The following FOXJ3 variants were observed in gnomAD, a reference collection of about 807,000 sequenced individuals.
The protein encoded by FOXJ3 is forkhead box protein J3.
In FOXJ3, 22 loss-of-function variants were observed where a neutral mutation model predicts 76.1. The observed-to-expected ratio is 0.29, with a 90% CI of 0.21 to 0.41. The LOEUF (loss-of-function observed/expected upper bound fraction) is 0.41. FOXJ3 is among the 10% of genes least tolerant of loss of function. The pLI, the probability that FOXJ3 is intolerant of heterozygous loss-of-function variation, is 1.00. For synonymous variants in FOXJ3, 269 were observed against 261.2 expected (o/e 1.03, Z -0.29); for missense variants, 613 against 762.1 (o/e 0.80, Z 2.30).
chr1:42,308,620 A>G (rs902259500), intron 2 of FOXJ3, among the ~76,000 whole-genome samples: 13 of 152,218 alleles, frequency 8.5e-5, no homozygotes, highest in African/African-American at 2.7e-4. Flanking sequence ...ATTAAATGCT[A>G]GATACCATGA....
chr1:42,231,697 C>G (rs1178490213), intron 4 of FOXJ3, among the ~76,000 whole-genome samples: 1 of 151,838 alleles, frequency 6.6e-6, no homozygotes, highest in Non-Finnish European at 1.5e-5. Context: ...TTTTTAAATA[C>G]AGTGGCACGA....
At position 42,278,585 on chromosome 1, in the gene FOXJ3, A is replaced by G. The variant is rs1652466691; in HGVS notation, c.132T>C (p.Ala44=). The change falls in exon 3 of 13, where the codon GCT becomes GCC. Residue 44 remains alanine, a synonymous_variant. Transcript: ENST00000361346. The part of the protein sequence containing the change: ...TMRAAIQKSD[A]TQNAHGTGIS... ...TTCCTGTTCCATGTGCATTTTGTGT[A>G]GCATCAGATTTTTGGATGGCTGCTC... 2 of 1,614,118 alleles carry G rather than the reference A, an allele frequency of 1.2e-6. No homozygotes were observed. The highest frequency in any genetic ancestry group is 1.1e-5 in the South Asian group (1 of 91,082).
intron 3 of FOXJ3, among the ~76,000 whole-genome samples, chr1:42,277,829 C>T (rs1000920634): frequency 7.6e-6 from 1 of 130,988 alleles, no homozygotes. Context: ...AAAAAAAAAT[C>T]TGCTGGGCAT....
intron 7 of FOXJ3, among the ~76,000 whole-genome samples, chr1:42,197,529 C>T (rs574892995): frequency 6.6e-6 from 1 of 152,064 alleles, no homozygotes; most frequent in Non-Finnish European, 1.5e-5. Context: ...CACTAGGACA[C>T]CAAAATCTGC....
At chr1:42,218,921 C>T (rs1647124845) in intron 5 of FOXJ3, among the ~76,000 whole-genome samples, 1 of 152,220 alleles carries the variant, frequency 6.6e-6, no homozygotes, top group Non-Finnish European at 1.5e-5. Flanking sequence ...AGCCCTTGCA[C>T]TTGCAGGACA....
At chr1:42,213,176 C>G (rs1408800283) in intron 5 of FOXJ3, among the ~76,000 whole-genome samples, 1 of 151,756 alleles carries the variant, frequency 6.6e-6, no homozygotes, top group African/African-American at 2.4e-5. Context: ...AGGAAGAAAA[C>G]AAAGTCACTA....
chr1:42,318,436 G>A (rs1655247522), intron 1 of FOXJ3, among the ~76,000 whole-genome samples: 1 of 152,178 alleles, frequency 6.6e-6, no homozygotes. Context: ...CCACCTCCCA[G>A]GTTCAAGCGA....
In FOXJ3 at chr1:42,194,942, G is replaced by C; in HGVS notation, c.882C>G (p.Ala294=). The C allele has an allele frequency of 1.2e-6, 2 of 1,612,352 alleles. No homozygotes were observed. The highest frequency in any genetic ancestry group is 1.7e-6 in the Non-Finnish European group (2 of 1,179,166). Reference sequence around the variant, plus strand: ...CTGACTTATAAAGGCTCCGAAATGAGGCACTAAGATCTTCAAAATTATATT... The same window carrying C: ...CTGACTTATAAAGGCTCCGAAATGACGCACTAAGATCTTCAAAATTATATT... ...FSEYNFEDLS[A]SFRSLYKSVF... Residue 294 remains alanine, a synonymous_variant, in exon 8 of 13, where the codon GCC becomes GCG. Coordinates refer to ENST00000361346, the MANE Select transcript of FOXJ3 (RefSeq NM_014947.5).
intron 1 of FOXJ3, among the ~76,000 whole-genome samples, chr1:42,333,114 T>C (rs1656258118): frequency 6.6e-6 from 1 of 152,048 alleles, no homozygotes; most frequent in Non-Finnish European, 1.5e-5. Context: ...TCAGTATGTA[T>C]CAGAACAACA....
At chr1:42,219,865 G>C (rs1647144941) in intron 5 of FOXJ3, among the ~76,000 whole-genome samples, 1 of 152,200 alleles carries the variant, frequency 6.6e-6, no homozygotes, top group Non-Finnish European at 1.5e-5. Flanking sequence ...ACTGCAGTGA[G>C]CCATGGTCAC....
At chr1:42,237,047 C>A (rs966710882) in intron 4 of FOXJ3, among the ~76,000 whole-genome samples, 3 of 151,900 alleles carry the variant, frequency 2.0e-5, no homozygotes. Flanking sequence ...TTCCAAATAT[C>A]TTTTGCCCAT....
chr1:42,273,263 A>T (rs1456362228), intron 3 of FOXJ3, among the ~76,000 whole-genome samples: 1 of 152,224 alleles, frequency 6.6e-6, no homozygotes, highest in Non-Finnish European at 1.5e-5. Context: ...TCATCTAATA[A>T]AGATTGTAGC....
At chr1:42,239,907 A>C (rs1265769982) in intron 4 of FOXJ3, among the ~76,000 whole-genome samples, 1 of 152,176 alleles carries the variant, frequency 6.6e-6, no homozygotes, top group Non-Finnish European at 1.5e-5. Context: ...TAGCCAAATT[A>C]CCTTTCCCAG....
chr1:42,320,092 T>C (rs1483338716), intron 1 of FOXJ3, among the ~76,000 whole-genome samples: 3 of 152,104 alleles, frequency 2.0e-5, no homozygotes, highest in South Asian at 4.1e-4. Context: ...AAGAGACTAA[T>C]AGAAGATGAA....
At position 42,310,895 on chromosome 1, in the gene FOXJ3, A is replaced by C. The variant is rs151074333; in HGVS notation, c.44+155T>G. ...ACCACGAAAATTTCAGTAAGCAGAAATATCATTCCATTCCGCCAAATTGCA... is the reference window on the plus strand; with the variant it reads ...ACCACGAAAATTTCAGTAAGCAGAACTATCATTCCATTCCGCCAAATTGCA... On this transcript the variant is annotated intron_variant, in intron 2 of 12. Coordinates refer to ENST00000361346, the MANE Select transcript of FOXJ3 (RefSeq NM_014947.5). Among the ~76,000 whole-genome samples the C allele has an allele frequency of 6.6e-5, 10 of 152,358 alleles. No individual in the cohort carries two copies. In the East Asian group the frequency reaches 1.7e-3, roughly 26 times the overall value.
At position 42,248,736 on chromosome 1, in the gene FOXJ3, T is replaced by C. The variant is rs1437835349; in HGVS notation, c.444+16379A>G. Among the ~76,000 whole-genome samples the C allele has an allele frequency of 5.0e-3, 730 of 145,142 alleles. 2 individuals are homozygous for C. Among genetic ancestry groups the C allele is most frequent in the Middle Eastern group, 0.01 (3 of 286 alleles). On this transcript the variant is annotated intron_variant, in intron 4 of 12. Coordinates refer to ENST00000361346, the MANE Select transcript of FOXJ3 (RefSeq NM_014947.5). ...CTCAAGTCTCCTGTTTTTTCTTTTT[T>C]TTTTTTTTTTTTTTTTTTTTAAGTT...
rs563929184 is a variant in FOXJ3 at position 42,195,177 on chromosome 1, C to T, written c.760-113G>A. On this transcript the variant is annotated intron_variant, in intron 7 of 12. Coordinates refer to ENST00000361346, the MANE Select transcript of FOXJ3 (RefSeq NM_014947.5). ...CAACATTGGAATTCAAAGAAAATAA[C>T]TCTTCTGTCTTAGGCTTTCCCATCC... 1.9e-4 allele frequency: 143 copies of T among 766,762 alleles called. 2 individuals carry two copies. In the South Asian group the frequency reaches 3.1e-3, roughly 17 times the overall value. 47.5% of individuals were successfully genotyped at this position (766,762 alleles called of 1,614,324 possible).
chr1:42,235,159 G>A (rs1336266935), intron 4 of FOXJ3, among the ~76,000 whole-genome samples: 2 of 152,176 alleles, frequency 1.3e-5, no homozygotes, highest in Non-Finnish European at 2.9e-5. Context: ...AGACTGCTGT[G>A]CTAGCAATGA....
intron 3 of FOXJ3, among the ~76,000 whole-genome samples, chr1:42,273,747 C>G (rs1285610907): frequency 1.3e-5 from 2 of 151,472 alleles, no homozygotes; most frequent in African/African-American, 4.9e-5. Context: ...AATTAGTACT[C>G]CCTAGGCTGA....
Sources: gnomAD v4.1 joint callset for allele counts (sites outside exome capture counted in the v4.1 genomes callset) on GRCh38, gnomAD v4.1.1 for gene constraint, MANE v1.5 for transcripts, NCBI Gene and HGNC (gene_info 2026-07-23, HGNC 2026-07-21) for gene names.